Variants in CNMD observed in about 807,000 individuals in gnomAD.
The protein encoded by CNMD is leukocyte cell-derived chemotaxin 1.
Under a neutral mutation model 37.5 loss-of-function variants are expected in CNMD, and 30 were observed. The ratio of observed to expected loss-of-function variants is 0.80; its 90% CI spans 0.60 to 1.09. The LOEUF is 1.09. CNMD is among the 50% of genes least tolerant of loss of function. The pLI, the probability that CNMD is intolerant of heterozygous loss-of-function variation, is 0.00. For missense variants in CNMD, 398 were observed against 423.9 expected (o/e 0.94, Z 0.54); for synonymous variants, 167 against 148.2 (o/e 1.13, Z -0.92).
At chr13:52,724,469 T>TAGTC (rs1259565828) in intron 3 of CNMD, among the ~76,000 whole-genome samples, 1 of 149,000 alleles carries the variant, frequency 6.7e-6, no homozygotes, top group Non-Finnish European at 1.5e-5. Context: ...CGGGCGCCTG[T>TAGTC]AGTCCCAGCT....
At chr13:52,733,391 TC>T in intron 2 of CNMD, 32 bp from the exon 3 acceptor site, 1 of 1,611,112 alleles carries the variant, frequency 6.2e-7, no homozygotes, top group South Asian at 1.1e-5. Flanking sequence ...AGTGATGCTT[TC>T]TTTTTTGAGC....
At chr13:52,729,827 TA>T (rs1964632781) in intron 3 of CNMD, among the ~76,000 whole-genome samples, 1 of 152,116 alleles carries the variant, frequency 6.6e-6, no homozygotes, top group South Asian at 2.1e-4. Flanking sequence ...TTCTTTTTTT[TA>T]AAATTTTATT....
chr13:52,730,770 A>G (rs1964652709), intron 3 of CNMD, among the ~76,000 whole-genome samples: 2 of 152,112 alleles, frequency 1.3e-5, no homozygotes, highest in African/African-American at 4.8e-5. Context: ...GTATAACTAG[A>G]ATGTAACTCA....
intron 6 of CNMD, among the ~76,000 whole-genome samples, chr13:52,708,187 AT>A (rs58668693): frequency 0.99 from 148,234 of 149,644 alleles, 73,418 homozygotes; most frequent in East Asian, 1. Flanking sequence ...TTTCAACACT[AT>A]TTTTTTTTTT....
intron 3 of CNMD, among the ~76,000 whole-genome samples, chr13:52,724,614 C>A (rs753951943): frequency 5.9e-5 from 9 of 151,850 alleles, no homozygotes; most frequent in African/African-American, 2.2e-4. Context: ...AAAAAACAAA[C>A]AAAAACAGCC....
chr13:52,732,903 AC>A (rs1964697443), intron 3 of CNMD, among the ~76,000 whole-genome samples: 1 of 152,172 alleles, frequency 6.6e-6, no homozygotes, highest in Non-Finnish European at 1.5e-5. Context: ...CTAGGGACAT[AC>A]CTTTAATTTC....
chr13:52,709,662 G>T (rs768330015), intron 5 of CNMD, among the ~76,000 whole-genome samples: 3 of 152,154 alleles, frequency 2.0e-5, no homozygotes, highest in Non-Finnish European at 2.9e-5. Context: ...CTGCAGCAGG[G>T]CTGATGGCTG....
chr13:52,717,314 C>T (rs947120071), intron 4 of CNMD, among the ~76,000 whole-genome samples: 6 of 152,174 alleles, frequency 3.9e-5, no homozygotes, highest in African/African-American at 1.4e-4. Flanking sequence ...TTCCTCCCCT[C>T]CTATTAGAAT....
At chr13:52,710,492 C>T (rs1328372586) in intron 5 of CNMD, among the ~76,000 whole-genome samples, 5 of 152,194 alleles carry the variant, frequency 3.3e-5, no homozygotes, top group Admixed American at 2.6e-4. Context: ...TGTCATTCCC[C>T]GTGTCTCTGA....
rs771251639 is a variant in CNMD, at chr13:52,715,177, T to C, written c.469-2308A>G. On this transcript the variant is annotated intron_variant, in intron 4 of 6. Coordinates refer to ENST00000377962, the MANE Select transcript of CNMD (RefSeq NM_007015.3). Reference sequence around the variant, plus strand: ...TGTTAGTTTTTTTAAAAATGTATAATTGTTTTTTACTACAGTCTCCCTGCT... The same window carrying C: ...TGTTAGTTTTTTTAAAAATGTATAACTGTTTTTTACTACAGTCTCCCTGCT... Among the ~76,000 whole-genome samples the C allele has an allele frequency of 3.3e-5, 5 of 152,250 alleles. No individual in the cohort carries two copies. In the East Asian group the frequency reaches 7.7e-4, roughly 23 times the overall value.
At chr13:52,723,387 C>T (rs1964514837) in intron 4 of CNMD, among the ~76,000 whole-genome samples, 1 of 152,190 alleles carries the variant, frequency 6.6e-6, no homozygotes, top group Non-Finnish European at 1.5e-5. Context: ...GCCACCATGC[C>T]TGCCTCTATT....
At position 52,732,206 on chromosome 13, in the gene CNMD, A is replaced by C. The variant is rs141457226; in HGVS notation, c.354+1013T>G. Among the ~76,000 whole-genome samples, 513 of 152,348 alleles carry C rather than the reference A, an allele frequency of 3.4e-3. 3 individuals carry two copies. Among genetic ancestry groups the C allele is most frequent in the African/African-American group, 0.011 (464 of 41,586 alleles). The stretch of plus-strand genomic sequence containing the variant: ...TGGGTCGATGAGGTGTTTGTGGACC[A>C]ATAAACTATCAGAAGAGACATTATT... On this transcript the variant is annotated intron_variant, in intron 3 of 6. Coordinates refer to ENST00000377962, the MANE Select transcript of CNMD (RefSeq NM_007015.3).
At chr13:52,721,220 T>G (rs1027547974) in intron 4 of CNMD, among the ~76,000 whole-genome samples, 5 of 152,202 alleles carry the variant, frequency 3.3e-5, no homozygotes, top group Admixed American at 6.5e-5. Flanking sequence ...AGCCAGTGGA[T>G]CTTAGCTTGC....
chr13:52,729,923 C>T (rs1964635715), intron 3 of CNMD, among the ~76,000 whole-genome samples: 1 of 151,788 alleles, frequency 6.6e-6, no homozygotes, highest in Non-Finnish European at 1.5e-5. Flanking sequence ...TGGTGAGCTG[C>T]ACCCATTAAC....
chr13:52,706,081 C>A (rs1476695448), intron 6 of CNMD, among the ~76,000 whole-genome samples: 1 of 152,134 alleles, frequency 6.6e-6, no homozygotes, highest in Non-Finnish European at 1.5e-5. Context: ...TAGTGTTGGA[C>A]TGAATAGGCT....
At chr13:52,731,463 C>G (rs1395896971) in intron 3 of CNMD, among the ~76,000 whole-genome samples, 1 of 152,134 alleles carries the variant, frequency 6.6e-6, no homozygotes, top group Non-Finnish European at 1.5e-5. Context: ...CTTGTTTAAA[C>G]CCATAACAGG....
chr13:52,738,891 G>A (rs991871398), intron 2 of CNMD, 140 bp downstream of exon 2: 38 of 664,474 alleles, frequency 5.7e-5, no homozygotes, highest in Non-Finnish European at 8.1e-5. Context: ...GCGTGCCAGA[G>A]TGGGATGGGA....
intron 6 of CNMD, among the ~76,000 whole-genome samples, chr13:52,705,369 T>G (rs1052299835): frequency 1.3e-5 from 2 of 152,218 alleles, no homozygotes; most frequent in East Asian, 3.8e-4. Context: ...ATCACAAAAT[T>G]AACAACATGA....
At chr13:52,711,809 A>G (rs907675526) in intron 5 of CNMD, among the ~76,000 whole-genome samples, 1 of 151,894 alleles carries the variant, frequency 6.6e-6, no homozygotes, top group African/African-American at 2.4e-5. Context: ...AATCATCACC[A>G]CCATCTAGAA....
Sources: allele counts gnomAD v4.1 joint callset (sites outside exome capture counted in the v4.1 genomes callset), GRCh38; gene constraint gnomAD v4.1.1; transcripts MANE v1.5; gene names NCBI Gene and HGNC (gene_info 2026-07-23, HGNC 2026-07-21).